Variants in CBFA2T2 observed in about 807,000 individuals in gnomAD.
CBFA2T2 encodes CBFA2/RUNX1 partner transcriptional co-repressor 2.
In CBFA2T2, 11 loss-of-function variants were observed where a neutral mutation model predicts 62.2. The observed-to-expected ratio is 0.18, with a 90% CI of 0.11 to 0.29. The LOEUF (loss-of-function observed/expected upper bound fraction) is 0.29. Ranked by LOEUF, CBFA2T2 falls within the 10% of genes least tolerant of loss-of-function variation. The pLI is 1.00. For synonymous variants in CBFA2T2, 295 were observed against 287.5 expected, an observed-to-expected ratio of 1.03 and a Z score of -0.27; for missense variants, 592 against 774.1, an observed-to-expected ratio of 0.76 and a Z score of 2.79.
chr20:33,584,270 CTT>C (rs567328176), intron 1 of CBFA2T2, among the ~76,000 whole-genome samples: 5 of 129,348 alleles, frequency 3.9e-5, no homozygotes, highest in Non-Finnish European at 3.3e-5. Flanking sequence ...TTTTTTTTTT[CTT>C]TTTTTTTTTT....
intron 1 of CBFA2T2, among the ~76,000 whole-genome samples, chr20:33,518,181 C>G (rs1243081091): frequency 6.6e-6 from 1 of 151,654 alleles, no homozygotes; most frequent in Non-Finnish European, 1.5e-5. Flanking sequence ...GTCTCCTGAC[C>G]TCATGATCCG....
intron 10 of CBFA2T2, among the ~76,000 whole-genome samples, chr20:33,641,071 C>T (rs1341146552): frequency 6.6e-6 from 1 of 151,266 alleles, no homozygotes; most frequent in South Asian, 2.1e-4. Context: ...CTCTCTCTGT[C>T]CCCCAGGCTG....
chr20:33,521,108 G>A (rs529542683), intron 1 of CBFA2T2, among the ~76,000 whole-genome samples: 128 of 151,072 alleles, frequency 8.5e-4, no homozygotes, highest in African/African-American at 3.0e-3. Context: ...TAAGGCTTTA[G>A]GGGGAGAAGA....
intron 1 of CBFA2T2, among the ~76,000 whole-genome samples, chr20:33,553,940 G>A (rs1056924581): frequency 1.3e-5 from 2 of 151,824 alleles, no homozygotes; most frequent in African/African-American, 4.8e-5. Flanking sequence ...TTACTAGTAG[G>A]CATATGCTTT....
At chr20:33,587,509 G>A (rs184908125) in intron 1 of CBFA2T2, among the ~76,000 whole-genome samples, 3 of 149,976 alleles carry the variant, frequency 2.0e-5, no homozygotes, top group East Asian at 4.0e-4. Flanking sequence ...CTCGTGATCC[G>A]CCCCCCTTGG....
At chr20:33,524,599 G>A (rs2011831335) in intron 1 of CBFA2T2, among the ~76,000 whole-genome samples, 2 of 151,482 alleles carry the variant, frequency 1.3e-5, no homozygotes, top group South Asian at 4.2e-4. Flanking sequence ...TTTATTTTTA[G>A]GATTAAAAAA....
intron 10 of CBFA2T2, among the ~76,000 whole-genome samples, chr20:33,641,495 CATTTT>C (rs1282931890): frequency 6.6e-6 from 1 of 152,178 alleles, no homozygotes; most frequent in East Asian, 1.9e-4. Context: ...CTGTAAATTT[CATTTT>C]AGTCATTTTT....
intron 1 of CBFA2T2, among the ~76,000 whole-genome samples, chr20:33,535,388 C>T (rs2012176464): frequency 1.3e-5 from 2 of 150,820 alleles, no homozygotes; most frequent in Admixed American, 1.3e-4. Flanking sequence ...GGTTGGGGTT[C>T]AGTAGCAGTA....
intron 1 of CBFA2T2, among the ~76,000 whole-genome samples, chr20:33,523,833 C>T (rs1392122285): frequency 5.9e-5 from 9 of 152,028 alleles, no homozygotes; most frequent in East Asian, 1.9e-4. Context: ...TACAGGCATG[C>T]GCCACCACTC....
chr20:33,497,827 C>T (rs543390336), intron 1 of CBFA2T2, among the ~76,000 whole-genome samples: 4 of 151,718 alleles, frequency 2.6e-5, no homozygotes, highest in South Asian at 2.1e-4. Context: ...GGATTACAGG[C>T]GTGAGCCACC....
chr20:33,592,382 A>ATATATATATAATTATGTAAAAAT (rs1277269953), intron 1 of CBFA2T2, among the ~76,000 whole-genome samples: 8,311 of 142,434 alleles, frequency 0.058, 381 homozygotes, highest in African/African-American at 0.1. Flanking sequence ...TTTTATATAT[A>ATATATATATAATTATGTAAAAAT]TATATATATA....
chr20:33,643,805 A>G (rs1601127097), intron 10 of CBFA2T2, among the ~76,000 whole-genome samples: 7 of 23,748 alleles, frequency 2.9e-4, no homozygotes, highest in South Asian at 1.4e-3. Context: ...ATATATATAT[A>G]TATATATATA....
chr20:33,531,134 C>T (rs1046064501), intron 1 of CBFA2T2, among the ~76,000 whole-genome samples: 2 of 152,064 alleles, frequency 1.3e-5, no homozygotes, highest in Admixed American at 6.6e-5. Context: ...GTAGGAGGGA[C>T]GAATTGAGAG....
intron 1 of CBFA2T2, among the ~76,000 whole-genome samples, chr20:33,520,987 C>T (rs1332210365): frequency 6.7e-6 from 1 of 150,338 alleles, no homozygotes; most frequent in Admixed American, 6.8e-5. Flanking sequence ...CACACACACA[C>T]ACACACACAC....
chr20:33,522,586 T>A (rs1380565166), intron 1 of CBFA2T2, among the ~76,000 whole-genome samples: 1 of 151,482 alleles, frequency 6.6e-6, no homozygotes, highest in African/African-American at 2.4e-5. Context: ...ATTAAAAAAA[T>A]AAAAATTTAG....
At position 33,574,140 on chromosome 20, in the gene CBFA2T2, A is replaced by T; in HGVS notation, c.35-32816A>T. The T allele has an allele frequency of 1.9e-6, 3 of 1,601,536 alleles. No homozygotes were observed. The East Asian group carries it at 6.8e-5, about 36-fold the overall frequency. On this transcript the variant is annotated intron_variant, in intron 1 of 10. Transcript: ENST00000342704. ...AGGATGGTAGTTTTTGTGGAGCACAATCCTGACTGTACCTGTGATGTTGCA... is the reference window on the plus strand; with the variant it reads ...AGGATGGTAGTTTTTGTGGAGCACATTCCTGACTGTACCTGTGATGTTGCA...
chr20:33,503,375 C>T (rs1358099848), intron 1 of CBFA2T2, among the ~76,000 whole-genome samples: 1 of 151,172 alleles, frequency 6.6e-6, no homozygotes, highest in Admixed American at 6.6e-5. Flanking sequence ...CTGCCTCAGC[C>T]TCCCGACTAG....
At chr20:33,491,788 G>A (rs776475074) in intron 1 of CBFA2T2, among the ~76,000 whole-genome samples, 6 of 151,248 alleles carry the variant, frequency 4.0e-5, no homozygotes, top group Non-Finnish European at 2.9e-5. Flanking sequence ...TGCAACCTCC[G>A]TCTCCTGGGT....
At chr20:33,554,345 T>C (rs1342033471) in intron 1 of CBFA2T2, among the ~76,000 whole-genome samples, 1 of 150,894 alleles carries the variant, frequency 6.6e-6, no homozygotes, top group Admixed American at 6.6e-5. Flanking sequence ...CTTCGCCTCC[T>C]GGGTTCAAGT....
Sources: gnomAD v4.1 joint callset for allele counts (sites outside exome capture counted in the v4.1 genomes callset) on GRCh38, gnomAD v4.1.1 for gene constraint, MANE v1.5 for transcripts, NCBI Gene and HGNC (gene_info 2026-07-23, HGNC 2026-07-21) for gene names.